GLI2: variants seen among roughly 807,000 people sequenced by gnomAD.
GLI2 encodes the protein GLI family zinc finger 2, also known as transcription activator GLI2.
GLI2 carries 22 observed loss-of-function variants against 78.9 expected under a neutral mutation model. The ratio of observed to expected loss-of-function variants is 0.28; its 90% CI spans 0.20 to 0.40. The LOEUF (loss-of-function observed/expected upper bound fraction) is 0.40, where lower values mean the gene tolerates loss of function less well. Among genes scored for constraint, GLI2 ranks in the 10% least tolerant of loss-of-function variants. The pLI is 1.00. For synonymous variants in GLI2, 974 were observed against 963.7 expected (o/e 1.01, Z -0.20); for missense variants, 2,097 against 2,213.2 (o/e 0.95, Z 1.05).
chr2:120,910,641 C>T (rs2104811567), intron 2 of GLI2, among the ~76,000 whole-genome samples: 1 of 152,354 alleles, frequency 6.6e-6, no homozygotes, highest in African/African-American at 2.4e-5. Flanking sequence ...ACACGTGTTG[C>T]AGGGGCGCCA....
intron 1 of GLI2, among the ~76,000 whole-genome samples, chr2:120,793,963 G>C (rs1344783624): frequency 6.6e-6 from 1 of 152,214 alleles, no homozygotes; most frequent in African/African-American, 2.4e-5. Context: ...GACATCTGCT[G>C]TGCTGAAGTG....
intron 2 of GLI2, among the ~76,000 whole-genome samples, chr2:120,899,654 T>G (rs1678158223): frequency 1.3e-5 from 2 of 152,316 alleles, no homozygotes; most frequent in South Asian, 2.1e-4. Flanking sequence ...TTCAGCCCTG[T>G]CTGGGACCTG....
In GLI2 at chr2:120,936,695, G is replaced by A. The variant is rs984005088; in HGVS notation, c.254+9229G>A. 3.9e-5 allele frequency among the ~76,000 whole-genome samples: 6 copies of A among 152,218 alleles called. No individual in the cohort carries two copies. In the South Asian group the frequency reaches 8.3e-4, roughly 21 times the overall value. On this transcript the variant is annotated intron_variant, in intron 3 of 13. Transcript: ENST00000361492. ...ACTAACAGTAAAGTTTCAGGCATTG[G>A]TGGGGTGGATTGGCCTTTGAGGTGG...
At chr2:120,806,699 G>A (rs1008958195) in intron 2 of GLI2, among the ~76,000 whole-genome samples, 1 of 152,220 alleles carries the variant, frequency 6.6e-6, no homozygotes, top group African/African-American at 2.4e-5. Flanking sequence ...GCACCCAGGT[G>A]GGTGCATAGC....
At chr2:120,883,515 C>G (rs914628060) in intron 2 of GLI2, among the ~76,000 whole-genome samples, 1 of 152,228 alleles carries the variant, frequency 6.6e-6, no homozygotes, top group Non-Finnish European at 1.5e-5. Context: ...AACAAACCCA[C>G]GATAACCTTG....
At chr2:120,948,664 G>A (rs1573655014) in intron 3 of GLI2, among the ~76,000 whole-genome samples, 1 of 152,192 alleles carries the variant, frequency 6.6e-6, no homozygotes, top group South Asian at 2.1e-4. Context: ...TGGGCCTGCT[G>A]TGTGGCCTCA....
chr2:120,945,274 T>C (rs1466043), intron 3 of GLI2, among the ~76,000 whole-genome samples: 131,375 of 152,260 alleles, frequency 0.86, 59,438 homozygotes, highest in East Asian at 1. Context: ...GTCGCTAACA[T>C]GTGCACAGCA....
intron 1 of GLI2, among the ~76,000 whole-genome samples, chr2:120,740,646 G>C (rs1026775688): frequency 2.0e-5 from 3 of 152,182 alleles, no homozygotes; most frequent in Admixed American, 6.5e-5. Flanking sequence ...TCTGTGATCG[G>C]ATATCACTTT....
chr2:120,819,895 A>T (rs1685682177), intron 2 of GLI2, among the ~76,000 whole-genome samples: 1 of 152,160 alleles, frequency 6.6e-6, no homozygotes, highest in Non-Finnish European at 1.5e-5. Context: ...GAGGCAGGGA[A>T]GACTTCTTGG....
intron 2 of GLI2, among the ~76,000 whole-genome samples, chr2:120,917,232 C>T (rs776322802): frequency 5.9e-5 from 9 of 152,252 alleles, no homozygotes; most frequent in Non-Finnish European, 1.0e-4. Context: ...ATTCCTGTTT[C>T]ATATAGGATT....
intron 2 of GLI2, among the ~76,000 whole-genome samples, chr2:120,831,601 G>A (rs1558821945): frequency 6.6e-6 from 1 of 152,208 alleles, no homozygotes; most frequent in African/African-American, 2.4e-5. Context: ...CGTTTTGAGA[G>A]CAGTATCAGT....
At chr2:120,874,853 C>T (rs952025086) in intron 2 of GLI2, among the ~76,000 whole-genome samples, 1 of 152,158 alleles carries the variant, frequency 6.6e-6, no homozygotes, top group Admixed American at 6.5e-5. Context: ...TGCCTGGGAA[C>T]CTCAGCTCAG....
intron 11 of GLI2, 29 bp downstream of exon 11, chr2:120,982,909 G>A (rs765991375): frequency 1.8e-5 from 29 of 1,606,580 alleles, no homozygotes; most frequent in Non-Finnish European, 2.2e-5. Flanking sequence ...CACTGGGCAT[G>A]CACACTGGGG....
intron 2 of GLI2, among the ~76,000 whole-genome samples, chr2:120,881,530 AG>A (rs1677124449): frequency 2.6e-5 from 2 of 77,546 alleles, no homozygotes; most frequent in Admixed American, 1.4e-4. Context: ...GGCAGGTGGG[AG>A]GAGGACAGTG....
chr2:120,812,378 G>T (rs1450100070), intron 2 of GLI2, among the ~76,000 whole-genome samples: 1 of 152,190 alleles, frequency 6.6e-6, no homozygotes, highest in African/African-American at 2.4e-5. Context: ...CCACTTGTGG[G>T]AGCTGTGGCG....
chr2:120,845,818 G>A (rs896511519), intron 2 of GLI2, among the ~76,000 whole-genome samples: 3 of 152,196 alleles, frequency 2.0e-5, no homozygotes, highest in Non-Finnish European at 4.4e-5. Flanking sequence ...CCTGGAATAC[G>A]TGGTAGTATT....
At chr2:120,911,528 T>G (rs1678818099) in intron 2 of GLI2, among the ~76,000 whole-genome samples, 1 of 152,140 alleles carries the variant, frequency 6.6e-6, no homozygotes, top group African/African-American at 2.4e-5. Context: ...TAAATTAATT[T>G]AGACTGACAG....
chr2:120,882,113 T>C (rs1677183228), intron 2 of GLI2, among the ~76,000 whole-genome samples: 1 of 152,126 alleles, frequency 6.6e-6, no homozygotes, highest in East Asian at 1.9e-4. Flanking sequence ...AACTTGGCTG[T>C]GAGTTTACGT....
At chr2:120,904,294 C>T (rs74795443) in intron 2 of GLI2, among the ~76,000 whole-genome samples, 4,254 of 152,288 alleles carry the variant, frequency 0.028, 84 homozygotes, top group Middle Eastern at 0.054. Context: ...TTTATTCTTT[C>T]ACTCATTCTT....
Sources: allele counts gnomAD v4.1 joint callset (sites outside exome capture counted in the v4.1 genomes callset), GRCh38; gene constraint gnomAD v4.1.1; transcripts MANE v1.5; gene names NCBI Gene and HGNC (gene_info 2026-07-23, HGNC 2026-07-21).